ZNF516: variants seen among roughly 807,000 people sequenced by gnomAD.
The protein encoded by ZNF516 is zinc finger protein 516.
In ZNF516, 19 loss-of-function variants were observed where a neutral mutation model predicts 79.7. The ratio of observed to expected loss-of-function variants is 0.24; its 90% CI spans 0.17 to 0.35. ZNF516 has a LOEUF of 0.35. Among genes scored for constraint, ZNF516 ranks in the 10% least tolerant of loss-of-function variants. The pLI is 1.00. For synonymous variants in ZNF516, 877 were observed against 739.5 expected, an observed-to-expected ratio of 1.19 and a Z score of -3.02; for missense variants, 1,678 against 1,679.5, an observed-to-expected ratio of 1.00 and a Z score of 0.02.
chr18:76,455,001 G>A (rs1448262070), intron 2 of ZNF516, among the ~76,000 whole-genome samples: 2 of 152,092 alleles, frequency 1.3e-5, no homozygotes, highest in African/African-American at 4.8e-5. Flanking sequence ...CTTCAGAATT[G>A]CCAACCCCCG....
Position 76,418,412 on chromosome 18 carries a change from C to T in ZNF516, c.1810+22833G>A, listed in dbSNP as rs116077879. 5.4e-3 allele frequency among the ~76,000 whole-genome samples: 818 copies of T among 152,174 alleles called. 7 individuals are homozygous for T. The highest frequency in any genetic ancestry group is 0.018 in the African/African-American group (766 of 41,470). ...ACACTATAACAAACTATAACATACA[C>T]GGTAACATGCTGTCACACACTAACA... On this transcript the variant is annotated intron_variant, in intron 3 of 6. Coordinates refer to ENST00000443185, the MANE Select transcript of ZNF516 (RefSeq NM_014643.4).
intron 3 of ZNF516, among the ~76,000 whole-genome samples, chr18:76,405,175 T>A (rs2075287787): frequency 1.3e-5 from 2 of 152,062 alleles, no homozygotes; most frequent in African/African-American, 4.8e-5. Context: ...GGGAACAGGG[T>A]CTGCACTGGC....
In ZNF516 at chr18:76,379,666, C is replaced by T. The variant is rs750338077; in HGVS notation, c.2448G>A (p.Thr816=). ...NLVFLSRSGR[T]GPPPALGGKE... is the part of the protein sequence containing the mutation. ...TGCCACCGAGGGCAGGCGGGGGGCC[C>T]GTGCGTCCGCTCCGGGAAAGGAAAA... The change falls in exon 4 of 7, where the codon ACG becomes ACA. Residue 816 remains threonine, a synonymous_variant. Coordinates refer to ENST00000443185, the MANE Select transcript of ZNF516 (RefSeq NM_014643.4). 4.8e-5 allele frequency: 77 copies of T among 1,613,496 alleles called. No individual in the cohort carries two copies. The highest frequency in any genetic ancestry group is 6.0e-5 in the Non-Finnish European group (71 of 1,179,904).
chr18:76,488,768 A>C (rs933039801), intron 1 of ZNF516, among the ~76,000 whole-genome samples: 2 of 152,256 alleles, frequency 1.3e-5, no homozygotes, highest in Non-Finnish European at 1.5e-5. Context: ...TCTATCACTG[A>C]GAAAGTTACA....
intron 1 of ZNF516, among the ~76,000 whole-genome samples, chr18:76,475,165 C>T (rs1397061284): frequency 6.6e-6 from 1 of 152,148 alleles, no homozygotes; most frequent in African/African-American, 2.4e-5. Context: ...GACTATTATC[C>T]CCAATAAACA....
intron 3 of ZNF516, chr18:76,389,389 G>C (rs1284237560): frequency 6.6e-6 from 1 of 152,174 alleles, no homozygotes; most frequent in Non-Finnish European, 1.5e-5. Context: ...GATTTCAGGG[G>C]AGGCCAAGGG....
chr18:76,378,812 G>C, intron 4 of ZNF516, 43 bp downstream of exon 4: 2 of 1,581,634 alleles, frequency 1.3e-6, no homozygotes, highest in South Asian at 2.3e-5. Context: ...GTGGTTCTGG[G>C]GGTCACATGT....
chr18:76,479,804 C>T (rs1302467371), intron 1 of ZNF516, among the ~76,000 whole-genome samples: 2 of 152,182 alleles, frequency 1.3e-5, no homozygotes, highest in African/African-American at 2.4e-5. Flanking sequence ...TGTGGTCTCC[C>T]GAAGAGACGC....
chr18:76,427,096 C>T (rs913717526), intron 3 of ZNF516, among the ~76,000 whole-genome samples: 3 of 152,194 alleles, frequency 2.0e-5, no homozygotes, highest in Non-Finnish European at 2.9e-5. Flanking sequence ...GGCACAATGC[C>T]GGGAACACAG....
chr18:76,480,686 T>A (rs1175554565), intron 1 of ZNF516, among the ~76,000 whole-genome samples: 3 of 151,926 alleles, frequency 2.0e-5, no homozygotes, highest in African/African-American at 7.3e-5. Flanking sequence ...CCACGCTCAG[T>A]TAATTTTGTA....
rs539900196 is a variant in ZNF516 at position 76,422,148 on chromosome 18, G to A, written c.1810+19097C>T. Among the ~76,000 whole-genome samples, 6 of 152,300 alleles carry A rather than the reference G, an allele frequency of 3.9e-5. No homozygotes were observed. In the East Asian group the frequency reaches 1.2e-3, roughly 29 times the overall value. ...ATTTGGTAGAGTTGCCTAGAATTCA[G>A]GAAGACACTACCATCAGCTAGAGAT... On this transcript the variant is annotated intron_variant, in intron 3 of 6. Coordinates refer to ENST00000443185, the MANE Select transcript of ZNF516 (RefSeq NM_014643.4).
chr18:76,481,184 C>T (rs558686513), intron 1 of ZNF516, among the ~76,000 whole-genome samples: 73 of 152,354 alleles, frequency 4.8e-4, no homozygotes, highest in Admixed American at 3.3e-3. Flanking sequence ...CACCAGCTCA[C>T]TGGGATGGCT....
intron 6 of ZNF516, among the ~76,000 whole-genome samples, chr18:76,366,623 TAC>T (rs1424549131): frequency 1.3e-5 from 2 of 152,242 alleles, no homozygotes; most frequent in Non-Finnish European, 2.9e-5. Context: ...GCCATCTGTC[TAC>T]ACGGGCGTAA....
In ZNF516 at chr18:76,451,432, GA is replaced by G. The variant is rs755422799; in HGVS notation, c.-157-8222del. 2.0e-5 allele frequency among the ~76,000 whole-genome samples: 3 copies of G among 152,228 alleles called. No individual in the cohort carries two copies. The highest frequency in any genetic ancestry group is 4.4e-5 in the Non-Finnish European group (3 of 68,052). ...CAGGAGGGGCTGGAGTGAACGGGAG[GA>G]ATTGGGGAGGGAGGGAAAACGCCAA... On this transcript the variant is annotated intron_variant, in intron 2 of 6. Coordinates refer to ENST00000443185, the MANE Select transcript of ZNF516 (RefSeq NM_014643.4). This position sits in a 1 kb window ranked among gnomAD's most constrained non-coding sequence, Gnocchi z 6.0.
Position 76,488,865 on chromosome 18 carries a change from T to C in ZNF516, c.-272+6279A>G, listed in dbSNP as rs184620192. ...CATTTAATAGCAATGCCTTCTTCAG[T>C]TGGAAATCTAGTAATAAGCGAAATA... On this transcript the variant is annotated intron_variant, in intron 1 of 6. Coordinates refer to ENST00000443185, the MANE Select transcript of ZNF516 (RefSeq NM_014643.4). 4.7e-4 allele frequency among the ~76,000 whole-genome samples: 72 copies of C among 152,352 alleles called. 1 individual carries two copies. The East Asian group carries it at 0.013, about 29-fold the overall frequency.
rs951105602 is a variant in ZNF516, at chr18:76,471,642, C to CG, written c.-271-8502dup. ...AGCTGGGCCTCAGCCAGGCACCAGT[C>CG]GGGGCCTCACTAGATCCCGTCACGC... On this transcript the variant is annotated intron_variant, in intron 1 of 6. Coordinates refer to ENST00000443185, the MANE Select transcript of ZNF516 (RefSeq NM_014643.4). 7.2e-5 allele frequency among the ~76,000 whole-genome samples: 11 copies of CG among 152,306 alleles called. No homozygotes were observed. In the East Asian group the frequency reaches 1.9e-3, roughly 27 times the overall value.
chr18:76,423,388 CAT>C (rs1445614514), intron 3 of ZNF516, among the ~76,000 whole-genome samples: 1 of 152,258 alleles, frequency 6.6e-6, no homozygotes, highest in East Asian at 1.9e-4. Context: ...CGTGACAAAA[CAT>C]ATGCTGGCAG....
In ZNF516 at chr18:76,379,740, G is replaced by A; in HGVS notation, c.2374C>T (p.Pro792Ser). 1 of 1,613,924 alleles carries A rather than the reference G, an allele frequency of 6.2e-7. No homozygotes were observed. The highest frequency in any genetic ancestry group is 8.5e-7 in the Non-Finnish European group (1 of 1,179,886). ...TAACCATTGGGCTGAATCCACGGGG[G>A]AGCCACGGAGTTGCAGCTGACGCGG... ...WHRVSCNSVA[P>S]PWIQPNGYKS... The change falls in exon 4 of 7, where the codon CCC becomes TCC. Residue 792 changes from proline to serine, a missense_variant. Physicochemically the swap from Pro to Ser is moderately conservative, Grantham distance 74 (BLOSUM62 -1). This residue lies in a region of ZNF516 where 1,294 missense variants were observed against 1,248.3 expected (regional missense o/e 1.04). Coordinates refer to ENST00000443185, the MANE Select transcript of ZNF516 (RefSeq NM_014643.4).
intron 3 of ZNF516, among the ~76,000 whole-genome samples, chr18:76,408,396 C>A (rs184218279): frequency 6.6e-6 from 1 of 152,262 alleles, no homozygotes; most frequent in African/African-American, 2.4e-5. Flanking sequence ...ACACTTGAGA[C>A]CCTCCGGGAG....
Sources: allele counts gnomAD v4.1 joint callset (sites outside exome capture counted in the v4.1 genomes callset), GRCh38; gene constraint gnomAD v4.1.1; regional missense constraint gnomAD v4.1.1; non-coding constraint Gnocchi (gnomAD v3.1); transcripts MANE v1.5; gene names NCBI Gene and HGNC (gene_info 2026-07-23, HGNC 2026-07-21).